MYH9: variants seen among roughly 807,000 people sequenced by gnomAD.
The protein encoded by MYH9 is myosin-9.
MYH9 carries 29 observed loss-of-function variants against 241.9 expected under a neutral mutation model. The ratio of observed to expected loss-of-function variants is 0.12; its 90% CI spans 0.09 to 0.16. The LOEUF (loss-of-function observed/expected upper bound fraction) is 0.16. Ranked by LOEUF, MYH9 falls within the 10% of genes least tolerant of loss-of-function variation. The pLI, the probability that MYH9 is intolerant of heterozygous loss-of-function variation, is 1.00. For synonymous variants in MYH9, 1,047 were observed against 1,062.6 expected (o/e 0.99, Z 0.29); for missense variants, 1,803 against 2,595.5 (o/e 0.69, Z 6.63).
intron 1 of MYH9, among the ~76,000 whole-genome samples, chr22:36,375,587 G>A (rs773252841): frequency 5.3e-5 from 8 of 152,216 alleles, no homozygotes; most frequent in Non-Finnish European, 7.3e-5. Flanking sequence ...AGTGCAGGGC[G>A]TCTCCAAGGC....
At chr22:36,366,266 C>A (rs1399875704) in intron 1 of MYH9, among the ~76,000 whole-genome samples, 2 of 152,052 alleles carry the variant, frequency 1.3e-5, no homozygotes, top group African/African-American at 4.8e-5. Flanking sequence ...CTTGAAAGTT[C>A]TTGAAAAACA....
chr22:36,369,070 C>T (rs1603484467), intron 1 of MYH9, among the ~76,000 whole-genome samples: 1 of 151,546 alleles, frequency 6.6e-6, no homozygotes, highest in East Asian at 1.9e-4. Context: ...CCAGGCCTCA[C>T]AACCAGAAAG....
chr22:36,352,074 C>T (rs567692096), intron 1 of MYH9, among the ~76,000 whole-genome samples: 27 of 152,278 alleles, frequency 1.8e-4, no homozygotes, highest in Non-Finnish European at 2.8e-4. Context: ...TGGAGTGGGA[C>T]GCTAACCCAG....
rs530199922 is a variant in MYH9, at chr22:36,290,338, C to CAAA, written c.4345-1044_4345-1042dup. Among the ~76,000 whole-genome samples the CAAA allele has an allele frequency of 2.3e-3, 122 of 53,696 alleles. 1 individual carries two copies. The highest frequency in any genetic ancestry group is 6.6e-3 in the African/African-American group (115 of 17,492). The allele number at this position is 53,696 out of a possible 152,430, so 35.2% of individuals were successfully genotyped here. On this transcript the variant is annotated intron_variant, in intron 31 of 40. Coordinates refer to ENST00000216181, the MANE Select transcript of MYH9 (RefSeq NM_002473.6). ...CTGGGCAACAGACAGAGACAGTCTC[C>CAAA]AAAAAAAAAAAAAAAAAAAACCCAA...
chr22:36,285,614 T>C lies in MYH9; in HGVS notation c.5274+44A>G, dbSNP rs146078436. On this transcript the variant is annotated intron_variant, in intron 37 of 40. Transcript: ENST00000216181. This position sits in a 1 kb window ranked among gnomAD's most constrained non-coding sequence, Gnocchi z 7.0. ...GGGTCCAAGGCCAGCTCTGCCGTGG[T>C]GGCTCCAGCCAGAGCCCAGAGTGGG... 1.6e-4 allele frequency: 261 copies of C among 1,610,264 alleles called. No homozygotes were observed. Among genetic ancestry groups the C allele is most frequent in the Non-Finnish European group, 1.9e-4 (228 of 1,179,862 alleles).
chr22:36,294,957 G>A lies in MYH9; in HGVS notation c.3605C>T (p.Ala1202Val), dbSNP rs772915368. 1.1e-5 allele frequency: 18 copies of A among 1,613,900 alleles called. No individual in the cohort carries two copies. The highest frequency in any genetic ancestry group is 3.3e-5 in the Admixed American group (2 of 60,020). Reference protein sequence around the residue: ...QKHSQAVEELAEQLEQTKRVK... With the variant: ...QKHSQAVEELVEQLEQTKRVK... ...CCGCTTCGTCTGCTCCAGCTGCTCC[G>A]CCAGCTCCTCCACGGCCTGTGAGTG... is the stretch of plus-strand genomic sequence containing the variant. The change falls in exon 27 of 41, where the codon GCG (alanine) becomes GTG (valine). Residue 1202 changes from alanine (A) to valine (V), a missense_variant. Around this residue, in one of 11 missense-constraint regions of MYH9, gnomAD observed 876 missense variants for 1,077.8 expected, o/e 0.81. Transcript: ENST00000216181.
chr22:36,290,046 T>C (rs1345632177), intron 31 of MYH9, among the ~76,000 whole-genome samples: 1 of 152,130 alleles, frequency 6.6e-6, no homozygotes, highest in Non-Finnish European at 1.5e-5. Flanking sequence ...TACTGTTCTA[T>C]CCTGCCCCCG....
At chr22:36,326,119 G>A (rs757757219) in intron 5 of MYH9, among the ~76,000 whole-genome samples, 2 of 152,150 alleles carry the variant, frequency 1.3e-5, no homozygotes, top group Non-Finnish European at 2.9e-5. Context: ...TTCTGTCTTC[G>A]CTGGGGTGGT....
intron 1 of MYH9, among the ~76,000 whole-genome samples, chr22:36,351,098 C>A (rs1443015648): frequency 6.6e-6 from 1 of 152,230 alleles, no homozygotes. Context: ...CTGACCAGAA[C>A]TTTTCATCTG....
At chr22:36,322,342 G>C in intron 6 of MYH9, 87 bp downstream of exon 6, 1 of 1,417,374 alleles carries the variant, frequency 7.1e-7, no homozygotes, top group Non-Finnish European at 1.0e-6. Context: ...GGTTTTGAGG[G>C]GAGGGCACCC....
intron 2 of MYH9, among the ~76,000 whole-genome samples, chr22:36,345,874 C>T (rs764425352): frequency 6.6e-6 from 1 of 152,058 alleles, no homozygotes; most frequent in East Asian, 1.9e-4. Flanking sequence ...TGGGGCCGGG[C>T]GTGGTGGCTC....
chr22:36,314,001 T>C, intron 13 of MYH9, 144 bp downstream of exon 13: 1 of 1,098,260 alleles, frequency 9.1e-7, no homozygotes. Context: ...GATCTCAGCC[T>C]TGGGGCTTCA....
chr22:36,286,600 T>A lies in MYH9; in HGVS notation c.5061+118A>T. ...GAATCCTTATGTAACCTGAGAGCCA[T>A]CCCCAGCCAATTCCTGGAGCCCAGT... On this transcript the variant is annotated intron_variant, in intron 35 of 40. Transcript: ENST00000216181. 5 of 1,447,112 alleles carry A rather than the reference T, an allele frequency of 3.5e-6. No homozygotes were observed. The South Asian group carries it at 4.6e-5, about 13-fold the overall frequency. 89.6% of individuals were successfully genotyped at this position (1,447,112 alleles called of 1,614,324 possible).
chr22:36,285,517 G>T lies in MYH9; in HGVS notation c.5274+141C>A. 7.1e-7 allele frequency: 1 copy of T among 1,414,090 alleles called. No individual in the cohort carries two copies. The highest frequency in any genetic ancestry group is 9.7e-7 in the Non-Finnish European group (1 of 1,030,074). The allele number at this position is 1,414,090 out of a possible 1,614,324, so 87.6% of individuals were successfully genotyped here. On this transcript the variant is annotated intron_variant, in intron 37 of 40. Transcript: ENST00000216181. This position sits in a 1 kb window ranked among gnomAD's most constrained non-coding sequence, Gnocchi z 7.0. Reference sequence around the variant, plus strand: ...CAGAAGCCAGAGGGGGACCTTTCAGGTCCAGGTGCCTGGACATTTTCCCCT... The same window carrying T: ...CAGAAGCCAGAGGGGGACCTTTCAGTTCCAGGTGCCTGGACATTTTCCCCT...
At position 36,317,632 on chromosome 22, in the gene MYH9, T is replaced by C. The variant is rs144625526; in HGVS notation, c.1227+575A>G. ...GGGTTTGGCACCCTAAAAACCCCCA[T>C]GGCCAGCACCATAAAAGAAACTAGA... is the stretch of plus-strand genomic sequence containing the variant. On this transcript the variant is annotated intron_variant, in intron 11 of 40. Transcript: ENST00000216181. Among the ~76,000 whole-genome samples, 374 of 152,318 alleles carry C rather than the reference T, an allele frequency of 2.5e-3. 2 individuals carry two copies. The highest frequency in any genetic ancestry group is 8.7e-3 in the African/African-American group (363 of 41,588).
intron 3 of MYH9, among the ~76,000 whole-genome samples, chr22:36,333,306 G>A (rs905926862): frequency 6.6e-6 from 1 of 152,170 alleles, no homozygotes; most frequent in South Asian, 2.1e-4. Flanking sequence ...AGGAGCGGTC[G>A]GTAGAAGGAA....
chr22:36,290,898 A>G (rs1461428060), intron 31 of MYH9, among the ~76,000 whole-genome samples: 1 of 123,140 alleles, frequency 8.1e-6, no homozygotes. Flanking sequence ...AAGTGAGGAG[A>G]CCCTCTGCCT....
chr22:36,283,836 C>T (rs1411345497), intron 40 of MYH9, among the ~76,000 whole-genome samples: 1 of 152,210 alleles, frequency 6.6e-6, no homozygotes, highest in Non-Finnish European at 1.5e-5. Flanking sequence ...CAGGACTGGG[C>T]CAGGTGGCCT....
intron 24 of MYH9, 47 bp downstream of exon 24, chr22:36,298,872 T>C (rs200060327): frequency 1.9e-6 from 3 of 1,608,928 alleles, no homozygotes; most frequent in Non-Finnish European, 2.5e-6. Context: ...CCGCCAGCCC[T>C]TGCCCGCCAG....
Sources: gnomAD v4.1 joint callset for allele counts (sites outside exome capture counted in the v4.1 genomes callset) on GRCh38, gnomAD v4.1.1 for gene constraint, gnomAD v4.1.1 regional missense constraint, Gnocchi (gnomAD v3.1) non-coding constraint, MANE v1.5 for transcripts, NCBI Gene and HGNC (gene_info 2026-07-23, HGNC 2026-07-21) for gene names.